JMY: variants seen among roughly 807,000 people sequenced by gnomAD.
JMY encodes the protein junction mediating and regulatory protein, p53 cofactor.
Under a neutral mutation model 103.3 loss-of-function variants are expected in JMY, and 46 were observed. The ratio of observed to expected loss-of-function variants is 0.45; its 90% confidence interval spans 0.35 to 0.57. JMY has a LOEUF of 0.57. Among genes scored for constraint, JMY ranks in the 20% least tolerant of loss-of-function variants. The pLI is 0.00. For missense variants in JMY, 1,238 were observed against 1,255.2 expected, an observed-to-expected ratio of 0.99 and a Z score of 0.21; for synonymous variants, 526 against 489.3, an observed-to-expected ratio of 1.07 and a Z score of -0.99.
intron 1 of JMY, among the ~76,000 whole-genome samples, chr5:79,251,312 G>T (rs1455334151): frequency 6.6e-6 from 1 of 151,902 alleles, no homozygotes; most frequent in Non-Finnish European, 1.5e-5. Context: ...GCTCATTGCA[G>T]CCTCAACCTC....
chr5:79,240,350 G>GC (rs1744695579), intron 1 of JMY, among the ~76,000 whole-genome samples: 1 of 147,416 alleles, frequency 6.8e-6, no homozygotes, highest in East Asian at 2.0e-4. Flanking sequence ...TTGCACTATT[G>GC]CCCAGGCTGG....
At position 79,236,897 on chromosome 5, in the gene JMY, A is replaced by C. The variant is rs773238664; in HGVS notation, c.247A>C (p.Ser83Arg). Residue 83 changes from serine (S) to arginine (R), a missense_variant, in exon 1 of 11, where the codon AGC becomes CGC. Ser to Arg is a moderately radical substitution (Grantham distance 110). Transcript: ENST00000396137. The part of the protein sequence containing the change: ...AASDGSRGPG[S>R]PAGRGRPEAT... ...GTCCGACGGGAGCCGCGGGCCCGGC[A>C]GCCCGGCGGGCAGGGGTCGGCCCGA... 15 of 1,360,074 alleles carry C rather than the reference A, an allele frequency of 1.1e-5. No homozygotes were observed. In the South Asian group the frequency reaches 2.6e-4, roughly 24 times the overall value. The allele number at this position is 1,360,074 out of a possible 1,614,324, so 84.3% of individuals were successfully genotyped here.
chr5:79,305,746 C>T (rs896798684), intron 6 of JMY, among the ~76,000 whole-genome samples: 3 of 152,120 alleles, frequency 2.0e-5, no homozygotes, highest in African/African-American at 7.2e-5. Flanking sequence ...TCTCTTGCAG[C>T]TCTTATGTCT....
intron 2 of JMY, among the ~76,000 whole-genome samples, chr5:79,280,294 A>G (rs978054473): frequency 6.6e-5 from 10 of 152,194 alleles, no homozygotes; most frequent in African/African-American, 2.4e-4. Context: ...AGCACTGACT[A>G]TCCAGAATCT....
At chr5:79,273,471 G>A (rs987815329) in intron 1 of JMY, among the ~76,000 whole-genome samples, 3 of 152,160 alleles carry the variant, frequency 2.0e-5, no homozygotes, top group Non-Finnish European at 4.4e-5. Flanking sequence ...CCAGTAGTTT[G>A]ACTATAATAT....
chr5:79,273,527 T>C (rs1214167124), intron 1 of JMY, among the ~76,000 whole-genome samples: 3 of 152,254 alleles, frequency 2.0e-5, no homozygotes, highest in African/African-American at 7.2e-5. Flanking sequence ...TTGGAGCTAT[T>C]AGAGCTTCTT....
chr5:79,243,882 A>G (rs1247971562), intron 1 of JMY, among the ~76,000 whole-genome samples: 1 of 152,212 alleles, frequency 6.6e-6, no homozygotes, highest in Non-Finnish European at 1.5e-5. Flanking sequence ...AAACAAAAAC[A>G]TGGAGACTGG....
At chr5:79,262,856 GAT>G (rs1745466826) in intron 1 of JMY, among the ~76,000 whole-genome samples, 1 of 152,194 alleles carries the variant, frequency 6.6e-6, no homozygotes, top group African/African-American at 2.4e-5. Context: ...TAGAGTAACT[GAT>G]ATTCTGTCCT....
chr5:79,274,138 T>TC (rs1745867280), intron 1 of JMY, among the ~76,000 whole-genome samples: 1 of 151,572 alleles, frequency 6.6e-6, no homozygotes, highest in Non-Finnish European at 1.5e-5. Context: ...ACTTTCTTTT[T>TC]TTTCTATAAG....
At chr5:79,286,467 C>T (rs1394240178) in intron 2 of JMY, among the ~76,000 whole-genome samples, 1 of 151,980 alleles carries the variant, frequency 6.6e-6, no homozygotes, top group Non-Finnish European at 1.5e-5. Context: ...GTCGTGAAAC[C>T]CCATCTCTAC....
In JMY at chr5:79,278,070, G is replaced by A. The variant is rs772625753; in HGVS notation, c.1193G>A (p.Arg398Lys). Reference sequence around the variant, plus strand: ...ATGAGAGAACTTGCCATGCTACGAAGACAGCAGATCAAGGTATTTTTTTAT... The same window carrying A: ...ATGAGAGAACTTGCCATGCTACGAAAACAGCAGATCAAGGTATTTTTTTAT... ...RDMRELAMLRRQQIKISMEND... is the reference protein window; with the variant it reads ...RDMRELAMLRKQQIKISMEND... The change falls in exon 2 of 11, where the codon AGA becomes AAA. Residue 398 changes from arginine (R) to lysine (K), a missense_variant. Coordinates refer to ENST00000396137, the MANE Select transcript of JMY (RefSeq NM_152405.5). The A allele has an allele frequency of 6.2e-7, 1 of 1,611,674 alleles. No individual in the cohort carries two copies. The highest frequency in any genetic ancestry group is 1.7e-5 in the Admixed American group (1 of 59,936).
At chr5:79,297,614 G>A (rs1446840188) in intron 4 of JMY, among the ~76,000 whole-genome samples, 2 of 152,198 alleles carry the variant, frequency 1.3e-5, no homozygotes, top group South Asian at 2.1e-4. Context: ...AGATTTCTCT[G>A]AGTCATAGCA....
At chr5:79,262,049 C>G (rs756232552) in intron 1 of JMY, among the ~76,000 whole-genome samples, 1 of 152,186 alleles carries the variant, frequency 6.6e-6, no homozygotes, top group Non-Finnish European at 1.5e-5. Flanking sequence ...GCTCTTTGTC[C>G]TTCCTTTCTG....
chr5:79,245,334 G>A (rs1038356961), intron 1 of JMY, among the ~76,000 whole-genome samples: 7 of 152,066 alleles, frequency 4.6e-5, no homozygotes, highest in African/African-American at 1.7e-4. Flanking sequence ...AATAAAATTG[G>A]TCATGAAGTC....
intron 1 of JMY, among the ~76,000 whole-genome samples, chr5:79,259,358 G>A (rs1324357391): frequency 6.6e-6 from 1 of 152,202 alleles, no homozygotes; most frequent in Non-Finnish European, 1.5e-5. Context: ...GGAAGTGTGT[G>A]CGAAATGGTC....
At chr5:79,275,156 G>GTTTT (rs113713043) in intron 1 of JMY, among the ~76,000 whole-genome samples, 1 of 133,694 alleles carries the variant, frequency 7.5e-6, no homozygotes, top group African/African-American at 2.7e-5. Context: ...GTTTCTGAGG[G>GTTTT]TTTTTTTTTT....
Position 79,314,766 on chromosome 5 carries a change from C to A in JMY, c.2574C>A (p.Pro858=). ...GGATCCCAAAGTCAGCCAGTGCCCC[C>A]TCAGCACACCTCTTTGACAGCAGCC... ...EKRIPKSASA[P]SAHLFDSSQL... Residue 858 remains proline (P), a synonymous_variant, in exon 9 of 11, where the codon CCC becomes CCA. Coordinates refer to ENST00000396137, the MANE Select transcript of JMY (RefSeq NM_152405.5). 1.2e-6 allele frequency: 2 copies of A among 1,613,456 alleles called. No individual in the cohort carries two copies. Among genetic ancestry groups the A allele is most frequent in the Non-Finnish European group, 1.7e-6 (2 of 1,179,818 alleles).
intron 1 of JMY, among the ~76,000 whole-genome samples, chr5:79,257,192 C>T (rs1580334520): frequency 6.6e-6 from 1 of 151,918 alleles, no homozygotes; most frequent in Non-Finnish European, 1.5e-5. Context: ...CCTGCCTCAG[C>T]CTCCCAAGTA....
At chr5:79,241,243 C>G (rs1376279505) in intron 1 of JMY, among the ~76,000 whole-genome samples, 5 of 152,088 alleles carry the variant, frequency 3.3e-5, no homozygotes, top group Non-Finnish European at 5.9e-5. Flanking sequence ...TTGACAATAC[C>G]TTGGAACTCT....
Sources: gnomAD v4.1 joint callset for allele counts (sites outside exome capture counted in the v4.1 genomes callset) on GRCh38, gnomAD v4.1.1 for gene constraint, MANE v1.5 for transcripts, NCBI Gene and HGNC (gene_info 2026-07-23, HGNC 2026-07-21) for gene names.